The following C8orf34 variants were observed in gnomAD, a reference collection of about 807,000 sequenced individuals.
C8orf34 encodes uncharacterized protein C8orf34.
Under a neutral mutation model 68.3 loss-of-function variants are expected in C8orf34, and 65 were observed. That is an observed-to-expected ratio of 0.95 (90% CI 0.78 to 1.17). The LOEUF is 1.17. Ranked by LOEUF, C8orf34 falls within the 50% of genes most tolerant of loss-of-function variation. C8orf34 has a pLI of 0.00. For synonymous variants in C8orf34, 244 were observed against 241.2 expected (o/e 1.01, Z -0.11); for missense variants, 664 against 655.4 (o/e 1.01, Z -0.14).
chr8:68,785,742 T>C (rs1823826858), intron 11 of C8orf34, among the ~76,000 whole-genome samples: 2 of 152,360 alleles, frequency 1.3e-5, no homozygotes, highest in Middle Eastern at 6.8e-3. Flanking sequence ...CTATGGATTT[T>C]GACAAATGCT....
At chr8:68,659,403 T>C (rs1819604346) in intron 8 of C8orf34, among the ~76,000 whole-genome samples, 1 of 152,188 alleles carries the variant, frequency 6.6e-6, no homozygotes, top group Non-Finnish European at 1.5e-5. Context: ...TAGGTTGTGG[T>C]GTTTTTAATC....
intron 6 of C8orf34, chr8:68,525,395 C>A: frequency 2.9e-6 from 1 of 343,070 alleles, no homozygotes. Context: ...CTAAAACACA[C>A]AAAAATTATA....
At chr8:68,608,953 A>G (rs1480113952) in intron 7 of C8orf34, among the ~76,000 whole-genome samples, 1 of 152,140 alleles carries the variant, frequency 6.6e-6, no homozygotes, top group African/African-American at 2.4e-5. Context: ...AGATCACTTG[A>G]GTTCAGGACT....
chr8:68,587,611 C>T (rs1817246946), intron 7 of C8orf34, among the ~76,000 whole-genome samples: 2 of 151,830 alleles, frequency 1.3e-5, no homozygotes, highest in African/African-American at 4.8e-5. Flanking sequence ...TAAAATAAAA[C>T]TAAGAAAATG....
At chr8:68,558,898 A>G (rs1816336931) in intron 7 of C8orf34, among the ~76,000 whole-genome samples, 1 of 152,214 alleles carries the variant, frequency 6.6e-6, no homozygotes, top group Non-Finnish European at 1.5e-5. Flanking sequence ...TCCATGTTGT[A>G]TAAACAACAT....
chr8:68,715,221 T>A (rs1435951973), intron 9 of C8orf34, among the ~76,000 whole-genome samples: 1 of 151,968 alleles, frequency 6.6e-6, no homozygotes, highest in Non-Finnish European at 1.5e-5. Flanking sequence ...CTTAAAGACG[T>A]CATGACCAAG....
intron 3 of C8orf34, chr8:68,447,391 T>A (rs1488242412): frequency 6.6e-6 from 1 of 152,194 alleles, no homozygotes; most frequent in Non-Finnish European, 1.5e-5. Flanking sequence ...CCCTTCTCTC[T>A]CAATGGCCTA....
chr8:68,676,980 C>A (rs1820209935), intron 8 of C8orf34, among the ~76,000 whole-genome samples: 1 of 152,134 alleles, frequency 6.6e-6, no homozygotes, highest in Admixed American at 6.6e-5. Flanking sequence ...GAAAGACCCA[C>A]CCCCATGATT....
At chr8:68,765,852 A>T (rs1385605173) in intron 10 of C8orf34, among the ~76,000 whole-genome samples, 1 of 152,240 alleles carries the variant, frequency 6.6e-6, no homozygotes, top group Non-Finnish European at 1.5e-5. Flanking sequence ...TTAAAAATAT[A>T]ATTTTGAATT....
At chr8:68,571,858 C>T (rs536100351) in intron 7 of C8orf34, among the ~76,000 whole-genome samples, 11 of 152,028 alleles carry the variant, frequency 7.2e-5, no homozygotes, top group Admixed American at 1.3e-4. Context: ...TAATGACACA[C>T]GTAAAATAAT....
intron 8 of C8orf34, among the ~76,000 whole-genome samples, chr8:68,644,220 T>C (rs1378738831): frequency 3.3e-5 from 5 of 152,178 alleles, no homozygotes; most frequent in African/African-American, 1.2e-4. Flanking sequence ...GGAGCTTATA[T>C]ACCCTCTTCA....
chr8:68,612,259 A>G (rs1818045611), intron 7 of C8orf34, among the ~76,000 whole-genome samples: 1 of 152,104 alleles, frequency 6.6e-6, no homozygotes, highest in Non-Finnish European at 1.5e-5. Flanking sequence ...GCACTGGCTC[A>G]CTCAACCAAC....
rs1244686883 is a variant in C8orf34, at chr8:68,534,527, TA to T, written c.1105+1379del. ...ATTGGATGAAGCACACAGTTGTGTA[TA>T]GGGGTAACACCTAAAGCAGAGGTAA... On this transcript the variant is annotated intron_variant, in intron 7 of 13. Transcript: ENST00000518698. 4 of 714,530 alleles carry T rather than the reference TA, an allele frequency of 5.6e-6. No individual in the cohort carries two copies. The South Asian group carries it at 1.9e-4, about 34-fold the overall frequency. 44.3% of individuals were successfully genotyped at this position (714,530 alleles called of 1,614,324 possible). A position where few individuals can be genotyped will look rare whatever the true frequency, so the allele number is the denominator to read the frequency against.
At chr8:68,404,665 G>A (rs1331775504) in intron 1 of C8orf34, among the ~76,000 whole-genome samples, 1 of 152,154 alleles carries the variant, frequency 6.6e-6, no homozygotes, top group East Asian at 1.9e-4. Flanking sequence ...TGTCAGGTTT[G>A]TCAAAGATCA....
At chr8:68,775,201 G>A (rs1823480425) in intron 10 of C8orf34, among the ~76,000 whole-genome samples, 1 of 151,964 alleles carries the variant, frequency 6.6e-6, no homozygotes, top group Admixed American at 6.6e-5. Context: ...ATTGGCGTGA[G>A]GTTGTCTTGC....
chr8:68,599,243 A>AAT (rs1388525737), intron 7 of C8orf34, among the ~76,000 whole-genome samples: 1 of 152,110 alleles, frequency 6.6e-6, no homozygotes, highest in Non-Finnish European at 1.5e-5. Flanking sequence ...GGACTTAAAT[A>AAT]ATATATATCA....
At chr8:68,758,221 G>T (rs1822922671) in intron 10 of C8orf34, among the ~76,000 whole-genome samples, 1 of 152,146 alleles carries the variant, frequency 6.6e-6, no homozygotes, top group South Asian at 2.1e-4. Flanking sequence ...AGCAAAGAAG[G>T]CAAAACAAAT....
At chr8:68,446,770 G>A (rs957235856) in intron 3 of C8orf34, 2 of 353,270 alleles carry the variant, frequency 5.7e-6, no homozygotes, top group African/African-American at 4.2e-5. Flanking sequence ...CATATTGAAA[G>A]CAGTAGCTAC....
chr8:68,516,649 T>TA (rs11446345), intron 5 of C8orf34, among the ~76,000 whole-genome samples: 10 of 116,276 alleles, frequency 8.6e-5, no homozygotes, highest in African/African-American at 5.8e-4. Flanking sequence ...TTTATTTATT[T>TA]TTTATTTATT....
Sources: gnomAD v4.1 joint callset for allele counts (sites outside exome capture counted in the v4.1 genomes callset) on GRCh38, gnomAD v4.1.1 for gene constraint, MANE v1.5 for transcripts, NCBI Gene and HGNC (gene_info 2026-07-23, HGNC 2026-07-21) for gene names.